The following RANBP10 variants were observed in gnomAD, a reference collection of about 807,000 sequenced individuals.
RANBP10 encodes RAN binding protein 10.
A neutral mutation model predicts 72.8 loss-of-function variants in RANBP10; 24 were observed. That is an observed-to-expected ratio of 0.33 (90% CI 0.24 to 0.46). The LOEUF is 0.46. Among genes scored for constraint, RANBP10 ranks in the 20% least tolerant of loss-of-function variants. The pLI is 1.00. For missense variants in RANBP10, 679 were observed against 817.5 expected, an observed-to-expected ratio of 0.83 and a Z score of 2.07; for synonymous variants, 310 against 322.3, an observed-to-expected ratio of 0.96 and a Z score of 0.41.
chr16:67,791,137 C>T (rs1290093326), intron 2 of RANBP10, among the ~76,000 whole-genome samples: 5 of 152,040 alleles, frequency 3.3e-5, no homozygotes, highest in Non-Finnish European at 7.4e-5. Context: ...CCTCAGCCTC[C>T]CAAGTAGCTG....
chr16:67,755,683 C>CAAAAA (rs58929828), intron 3 of RANBP10, among the ~76,000 whole-genome samples: 2 of 54,366 alleles, frequency 3.7e-5, no homozygotes, highest in East Asian at 5.3e-4. Context: ...GACTCTGCCT[C>CAAAAA]AAAAAAAAAA....
At chr16:67,749,723 C>A (rs921989970) in intron 3 of RANBP10, among the ~76,000 whole-genome samples, 1 of 152,186 alleles carries the variant, frequency 6.6e-6, no homozygotes, top group Admixed American at 6.5e-5. Flanking sequence ...CTCATGAGGC[C>A]GTCACAGTCA....
chr16:67,805,312 A>G, intron 2 of RANBP10, 116 bp downstream of exon 2: 1 of 840,080 alleles, frequency 1.2e-6, no homozygotes. Flanking sequence ...ATGGCAGCCC[A>G]GACCCATGCG....
chr16:67,783,999 C>T (rs562719513), intron 2 of RANBP10, among the ~76,000 whole-genome samples: 16 of 146,872 alleles, frequency 1.1e-4, no homozygotes, highest in Non-Finnish European at 2.1e-4. Context: ...GCCAAGATGG[C>T]GCCACTGCAC....
intron 11 of RANBP10, 37 bp from the exon 12 acceptor site, chr16:67,727,933 G>T: frequency 6.2e-7 from 1 of 1,609,426 alleles, no homozygotes; most frequent in Non-Finnish European, 8.5e-7. Context: ...TGTTAGGAGG[G>T]GTGAAGAGGG....
At chr16:67,742,721 G>A (rs1431450297) in intron 4 of RANBP10, among the ~76,000 whole-genome samples, 2 of 152,232 alleles carry the variant, frequency 1.3e-5, no homozygotes, top group East Asian at 3.8e-4. Context: ...GCAAGCTGGA[G>A]GGATGTGAGG....
chr16:67,788,191 C>CTGAT (rs367810791), intron 2 of RANBP10, among the ~76,000 whole-genome samples: 1 of 151,886 alleles, frequency 6.6e-6, no homozygotes, highest in African/African-American at 2.4e-5. Flanking sequence ...GATTGACTGA[C>CTGAT]TGATTGATTG....
intron 6 of RANBP10, among the ~76,000 whole-genome samples, chr16:67,733,225 G>C (rs1843507555): frequency 6.6e-6 from 1 of 151,910 alleles, no homozygotes; most frequent in South Asian, 2.1e-4. Flanking sequence ...AATTAGCCAG[G>C]TGTGGTGGTG....
chr16:67,800,126 C>T (rs2055208565), intron 2 of RANBP10, among the ~76,000 whole-genome samples: 1 of 150,990 alleles, frequency 6.6e-6, no homozygotes, highest in Admixed American at 6.6e-5. Context: ...GTTTCAAAAA[C>T]AACAACAACA....
chr16:67,761,504 C>A (rs1407711750), intron 3 of RANBP10, among the ~76,000 whole-genome samples: 3 of 152,220 alleles, frequency 2.0e-5, no homozygotes, highest in African/African-American at 7.2e-5. Flanking sequence ...AGACCAAGCA[C>A]TTGAGAGAAA....
intron 3 of RANBP10, among the ~76,000 whole-genome samples, chr16:67,750,693 A>C (rs2054176948): frequency 6.6e-6 from 1 of 150,646 alleles, no homozygotes; most frequent in African/African-American, 2.4e-5. Flanking sequence ...TGTATGACAG[A>C]TTTTTATGCA....
intron 2 of RANBP10, among the ~76,000 whole-genome samples, chr16:67,787,281 G>A (rs908432999): frequency 4.6e-5 from 7 of 152,234 alleles, no homozygotes; most frequent in Non-Finnish European, 8.8e-5. Flanking sequence ...AGCTACTTGA[G>A]AGGCTGAAGC....
At chr16:67,747,539 T>C (rs911588675) in intron 3 of RANBP10, among the ~76,000 whole-genome samples, 1 of 152,170 alleles carries the variant, frequency 6.6e-6, no homozygotes, top group African/African-American at 2.4e-5. Context: ...TCTCACACTC[T>C]CTCGTCCAGA....
intron 2 of RANBP10, among the ~76,000 whole-genome samples, chr16:67,794,307 G>A (rs1490625619): frequency 1.3e-5 from 2 of 151,776 alleles, no homozygotes; most frequent in Non-Finnish European, 1.5e-5. Context: ...GCATGGTGGT[G>A]CATGCCTGTA....
chr16:67,740,700 C>G (rs1264403369), intron 4 of RANBP10, among the ~76,000 whole-genome samples: 1 of 152,166 alleles, frequency 6.6e-6, no homozygotes, highest in African/African-American at 2.4e-5. Flanking sequence ...ATGTATACTA[C>G]CTCTGACACT....
chr16:67,771,172 C>G (rs1279648049), intron 3 of RANBP10, among the ~76,000 whole-genome samples: 1 of 151,320 alleles, frequency 6.6e-6, no homozygotes, highest in Non-Finnish European at 1.5e-5. Context: ...TGAGGATCAC[C>G]TGAGTCTGGG....
At chr16:67,762,770 C>T (rs991140320) in intron 3 of RANBP10, among the ~76,000 whole-genome samples, 4 of 152,222 alleles carry the variant, frequency 2.6e-5, no homozygotes, top group African/African-American at 9.7e-5. Flanking sequence ...GCCCAACACA[C>T]TTAGGCAAAG....
intron 2 of RANBP10, among the ~76,000 whole-genome samples, chr16:67,788,445 G>C (rs557971730): frequency 6.6e-6 from 1 of 150,846 alleles, no homozygotes; most frequent in Non-Finnish European, 1.5e-5. Flanking sequence ...TTTTAGTAGA[G>C]AGGGGGTTTC....
chr16:67,802,466 C>T (rs1705307756), intron 2 of RANBP10, among the ~76,000 whole-genome samples: 1 of 152,106 alleles, frequency 6.6e-6, no homozygotes, highest in Admixed American at 6.5e-5. Flanking sequence ...GGCGAAACCC[C>T]ATCTCTACTA....
Sources: gnomAD v4.1 joint callset for allele counts (sites outside exome capture counted in the v4.1 genomes callset) on GRCh38, gnomAD v4.1.1 for gene constraint, MANE v1.5 for transcripts, NCBI Gene and HGNC (gene_info 2026-07-23, HGNC 2026-07-21) for gene names.